The following ARSB variants were observed in gnomAD, a reference collection of about 807,000 sequenced individuals.
The protein encoded by ARSB is N-acetylgalactosamine-4-sulfatase.
ARSB carries 41 observed loss-of-function variants against 50.9 expected under a neutral mutation model. The observed-to-expected ratio is 0.81, with a 90% CI of 0.63 to 1.04. ARSB has a LOEUF of 1.04. ARSB is among the 50% of genes least tolerant of loss of function. The pLI is 0.00. For synonymous variants in ARSB, 269 were observed against 284.8 expected, an observed-to-expected ratio of 0.94 and a Z score of 0.56; for missense variants, 672 against 693.3, an observed-to-expected ratio of 0.97 and a Z score of 0.35.
At chr5:78,797,962 G>C (rs1248289179) in intron 6 of ARSB, among the ~76,000 whole-genome samples, 2 of 152,154 alleles carry the variant, frequency 1.3e-5, no homozygotes, top group Non-Finnish European at 2.9e-5. Context: ...ACTAGAAGAA[G>C]GCCTCAGAAG....
At chr5:78,845,514 C>G (rs1423799387) in intron 5 of ARSB, among the ~76,000 whole-genome samples, 1 of 152,032 alleles carries the variant, frequency 6.6e-6, no homozygotes, top group African/African-American at 2.4e-5. Flanking sequence ...AAGAGTACCC[C>G]TTTCTCTACA....
At chr5:78,877,179 T>G (rs1747523222) in intron 5 of ARSB, among the ~76,000 whole-genome samples, 1 of 152,052 alleles carries the variant, frequency 6.6e-6, no homozygotes, top group African/African-American at 2.4e-5. Context: ...CAGTACCCGT[T>G]CCCATCAGCC....
intron 2 of ARSB, among the ~76,000 whole-genome samples, chr5:78,968,158 C>T (rs530190314): frequency 6.6e-6 from 1 of 151,388 alleles, no homozygotes; most frequent in Admixed American, 6.6e-5. Context: ...CTATCTTCCC[C>T]AACTTTGTGA....
At chr5:78,919,010 G>A (rs956026401) in intron 4 of ARSB, among the ~76,000 whole-genome samples, 1 of 152,164 alleles carries the variant, frequency 6.6e-6, no homozygotes, top group African/African-American at 2.4e-5. Context: ...ATTAAGATTT[G>A]GGATTTTCCA....
Position 78,985,218 on chromosome 5 carries a change from G to C in ARSB, c.31C>G (p.Arg11Gly), listed in dbSNP as rs1753131019. ...AGCAGCCGCCGAGGTCCGGGGCCTC[G>C]GGGCAAGCTCGCCGCGCCGCGCGGA... MGPRGAASLP[R>G]GPGPRRLLLP... The change falls in exon 1 of 8, where the codon CGA becomes GGA. Residue 11 changes from arginine (R) to glycine (G), a missense_variant. Physicochemically the swap from Arg to Gly is moderately radical, Grantham distance 125. Coordinates refer to ENST00000264914, the MANE Select transcript of ARSB (RefSeq NM_000046.5). The C allele has an allele frequency of 7.5e-7, 1 of 1,341,248 alleles. No individual in the cohort carries two copies. The highest frequency in any genetic ancestry group is 3.9e-5 in the Admixed American group (1 of 25,368). 83.1% of individuals were successfully genotyped at this position (1,341,248 alleles called of 1,614,324 possible).
At chr5:78,805,167 C>T (rs976650112) in intron 6 of ARSB, among the ~76,000 whole-genome samples, 11 of 152,226 alleles carry the variant, frequency 7.2e-5, no homozygotes, top group African/African-American at 2.2e-4. Context: ...GCTGAAAACA[C>T]CCAGCCTTTT....
At chr5:78,906,239 AG>A (rs767895943) in intron 4 of ARSB, among the ~76,000 whole-genome samples, 69 of 152,170 alleles carry the variant, frequency 4.5e-4, no homozygotes, top group Non-Finnish European at 5.3e-4. Flanking sequence ...AAGCTAAGGC[AG>A]GAGGATCACT....
chr5:78,870,726 C>T (rs1351137166), intron 5 of ARSB, among the ~76,000 whole-genome samples: 14 of 149,008 alleles, frequency 9.4e-5, no homozygotes, highest in African/African-American at 3.2e-4. Flanking sequence ...TGGGCAAAAA[C>T]TGGAAGCATT....
At chr5:78,923,349 T>G (rs1253626668) in intron 4 of ARSB, among the ~76,000 whole-genome samples, 1 of 152,208 alleles carries the variant, frequency 6.6e-6, no homozygotes, top group African/African-American at 2.4e-5. Context: ...TGTGAGCCCC[T>G]CAGTGTCAGA....
chr5:78,978,532 G>T (rs1752761778), intron 1 of ARSB, among the ~76,000 whole-genome samples: 1 of 152,020 alleles, frequency 6.6e-6, no homozygotes, highest in East Asian at 1.9e-4. Flanking sequence ...GGAAATGCAA[G>T]GGGCCGAGAA....
intron 4 of ARSB, among the ~76,000 whole-genome samples, chr5:78,922,540 G>A (rs1749870497): frequency 6.6e-6 from 1 of 152,018 alleles, no homozygotes; most frequent in South Asian, 2.1e-4. Context: ...TGAATAGTCA[G>A]CAGCAATACC....
In ARSB at chr5:78,778,283, G is replaced by C. The variant is rs1249203574; in HGVS notation, c.*2114C>G. The C allele has an allele frequency of 6.6e-6, 1 of 152,162 alleles. No individual in the cohort carries two copies. The highest frequency in any genetic ancestry group is 1.5e-5 in the Non-Finnish European group (1 of 68,032). 9.4% of individuals were successfully genotyped at this position (152,162 alleles called of 1,614,324 possible). On this transcript the variant is annotated 3_prime_UTR_variant, in exon 8 of 8. Coordinates refer to ENST00000264914, the MANE Select transcript of ARSB (RefSeq NM_000046.5). ...CAGCTGTTTGCCAACCCAGGAGTTGGGTAAAGGTTGGTAAGAGATGTTATT... is the reference window on the plus strand; with the variant it reads ...CAGCTGTTTGCCAACCCAGGAGTTGCGTAAAGGTTGGTAAGAGATGTTATT...
chr5:78,891,852 T>A (rs1258807979), intron 4 of ARSB, among the ~76,000 whole-genome samples: 1 of 146,976 alleles, frequency 6.8e-6, no homozygotes, highest in Admixed American at 6.7e-5. Context: ...AAGGTATAGG[T>A]CTAGGTGTTT....
chr5:78,866,447 G>A (rs955726665), intron 5 of ARSB, among the ~76,000 whole-genome samples: 22 of 152,172 alleles, frequency 1.4e-4, no homozygotes, highest in Admixed American at 1.1e-3. Flanking sequence ...AGATTTGGGT[G>A]GGGACACAGC....
intron 1 of ARSB, among the ~76,000 whole-genome samples, chr5:78,980,104 T>C (rs915579064): frequency 6.6e-6 from 1 of 152,176 alleles, no homozygotes; most frequent in African/African-American, 2.4e-5. Flanking sequence ...AATGAGGAAA[T>C]GAAGAGTGAC....
chr5:78,919,247 G>C (rs1429445357), intron 4 of ARSB, among the ~76,000 whole-genome samples: 1 of 152,196 alleles, frequency 6.6e-6, no homozygotes, highest in Non-Finnish European at 1.5e-5. Context: ...GGACCACATA[G>C]TCCTTATTCC....
intron 4 of ARSB, among the ~76,000 whole-genome samples, chr5:78,911,770 T>C (rs1030470896): frequency 1.3e-5 from 2 of 151,984 alleles, no homozygotes; most frequent in Admixed American, 6.6e-5. Flanking sequence ...TGGATGGTGA[T>C]TTTAATTCCC....
At chr5:78,867,056 C>T (rs1395987044) in intron 5 of ARSB, among the ~76,000 whole-genome samples, 2 of 152,186 alleles carry the variant, frequency 1.3e-5, no homozygotes, top group African/African-American at 4.8e-5. Context: ...AAAGGGGTGA[C>T]AGACGCACCT....
At chr5:78,830,499 GTTAA>G (rs1282144342) in intron 6 of ARSB, among the ~76,000 whole-genome samples, 2 of 152,154 alleles carry the variant, frequency 1.3e-5, no homozygotes, top group Non-Finnish European at 2.9e-5. Context: ...AGTGGTGAGA[GTTAA>G]TTAGTGTTTT....
Sources: gnomAD v4.1 joint callset for allele counts (sites outside exome capture counted in the v4.1 genomes callset) on GRCh38, gnomAD v4.1.1 for gene constraint, MANE v1.5 for transcripts, NCBI Gene and HGNC (gene_info 2026-07-23, HGNC 2026-07-21) for gene names.